Variants in TENM2 observed in about 807,000 individuals in gnomAD.
TENM2 encodes teneurin-2.
In TENM2, 52 loss-of-function variants were observed where a neutral mutation model predicts 245.2. The observed-to-expected ratio is 0.21, with a 90% confidence interval of 0.17 to 0.27. The LOEUF (loss-of-function observed/expected upper bound fraction) is 0.27, where lower values mean the gene tolerates loss of function less well. Among genes scored for constraint, TENM2 ranks in the 10% least tolerant of loss-of-function variants. The probability of loss-of-function intolerance (pLI) is 1.00; values close to 1 mark genes in which losing one functional copy is unlikely to be tolerated. For synonymous variants in TENM2, 1,363 were observed against 1,438.9 expected, an observed-to-expected ratio of 0.95 and a Z score of 1.19; for missense variants, 3,046 against 3,666.8, an observed-to-expected ratio of 0.83 and a Z score of 4.37.
intron 2 of TENM2, among the ~76,000 whole-genome samples, chr5:167,777,085 A>T (rs999931929): frequency 3.3e-5 from 5 of 152,236 alleles, no homozygotes; most frequent in African/African-American, 1.2e-4. Context: ...ACAGGAGTAG[A>T]AGGGGGAGGG....
chr5:167,831,784 C>T (rs1768519552), intron 2 of TENM2, among the ~76,000 whole-genome samples: 1 of 151,722 alleles, frequency 6.6e-6, no homozygotes, highest in African/African-American at 2.4e-5. Flanking sequence ...TGGGAGGAAA[C>T]AACAACAACA....
intron 4 of TENM2, among the ~76,000 whole-genome samples, chr5:167,977,174 G>A (rs1782502613): frequency 6.6e-6 from 1 of 152,120 alleles, no homozygotes; most frequent in Non-Finnish European, 1.5e-5. Flanking sequence ...CTACTTGAGG[G>A]TGGAGGGTGG....
In TENM2 at chr5:167,923,902, A is replaced by G. The variant is rs185319095; in HGVS notation, c.713-28686A>G. 1.3e-3 allele frequency among the ~76,000 whole-genome samples: 202 copies of G among 152,232 alleles called. 1 individual carries two copies. Among genetic ancestry groups the G allele is most frequent in the Non-Finnish European group, 2.3e-3 (154 of 68,006 alleles). ...TCTCAGGGTGCATGTGCGTTGAAAT[A>G]AAGAGATAAGGTGTGACTGTCAAGC... On this transcript the variant is annotated intron_variant, in intron 3 of 28. Transcript: ENST00000518659.
the TENM2 span, among the ~76,000 whole-genome samples, chr5:167,039,650 G>T: frequency 3.4e-4 from 52 of 151,756 alleles, no homozygotes; most frequent in African/African-American, 1.2e-3. Flanking sequence ...GACTTTGATT[G>T]GGTGCTACCA....
the TENM2 span, among the ~76,000 whole-genome samples, chr5:167,157,993 G>A: frequency 2.0e-5 from 3 of 152,184 alleles, no homozygotes; most frequent in African/African-American, 2.4e-5. Flanking sequence ...GTTTTCCTAT[G>A]AGAGCACACA....
the TENM2 span, among the ~76,000 whole-genome samples, chr5:167,181,346 T>G: frequency 6.6e-6 from 1 of 152,134 alleles, no homozygotes; most frequent in Non-Finnish European, 1.5e-5. Flanking sequence ...TCTCACCCTT[T>G]CTTTCTCGCC....
At chr5:167,487,790 A>G (rs901994989) in intron 2 of TENM2, among the ~76,000 whole-genome samples, 2 of 152,310 alleles carry the variant, frequency 1.3e-5, no homozygotes, top group Admixed American at 1.3e-4. Context: ...TTCAGGTGGA[A>G]TACTGCTCCC....
At position 167,532,371 on chromosome 5, in the gene TENM2, G is replaced by C. The variant is rs910769698; in HGVS notation, c.502+156898G>C. 2.0e-5 allele frequency among the ~76,000 whole-genome samples: 3 copies of C among 152,032 alleles called. No homozygotes were observed. The South Asian group carries it at 6.2e-4, about 32-fold the overall frequency. Reference sequence around the variant, plus strand: ...AAGTTGCTAATAAAGACATACCCGAGACTGGGTATTTTATACAGGAAAGAG... The same window carrying C: ...AAGTTGCTAATAAAGACATACCCGACACTGGGTATTTTATACAGGAAAGAG... On this transcript the variant is annotated intron_variant, in intron 2 of 28. Transcript: ENST00000518659.
chr5:167,203,848 CG>C, the TENM2 span, among the ~76,000 whole-genome samples: 3 of 145,948 alleles, frequency 2.1e-5, no homozygotes, highest in Admixed American at 6.8e-5. Flanking sequence ...TCTTGCATAC[CG>C]AAAAAAAAGG....
intron 3 of TENM2, among the ~76,000 whole-genome samples, chr5:167,916,199 G>A (rs1224379564): frequency 1.3e-5 from 2 of 152,140 alleles, no homozygotes; most frequent in African/African-American, 2.4e-5. Flanking sequence ...CACTATTTTT[G>A]TGAGTACGTG....
intron 2 of TENM2, among the ~76,000 whole-genome samples, chr5:167,733,208 A>C (rs1345516003): frequency 6.6e-6 from 1 of 152,088 alleles, no homozygotes; most frequent in East Asian, 1.9e-4. Flanking sequence ...CTAACTCCTC[A>C]TCTCCTTGCC....
At chr5:168,018,581 A>G (rs916174567) in intron 5 of TENM2, among the ~76,000 whole-genome samples, 5 of 152,130 alleles carry the variant, frequency 3.3e-5, no homozygotes, top group African/African-American at 1.2e-4. Context: ...ACTCCTGCCC[A>G]GGAAGTCCCA....
the TENM2 span, among the ~76,000 whole-genome samples, chr5:167,114,559 A>G: frequency 3.3e-5 from 5 of 152,304 alleles, no homozygotes; most frequent in South Asian, 2.1e-4. Flanking sequence ...GGTCTTACCC[A>G]TATGTGTTAG....
intron 1 of TENM2, among the ~76,000 whole-genome samples, chr5:167,327,020 T>C (rs975386430): frequency 5.3e-5 from 8 of 152,194 alleles, no homozygotes; most frequent in Non-Finnish European, 7.3e-5. Context: ...CATTTATTCT[T>C]TTTTAAAAAA....
At chr5:167,077,462 G>A in the TENM2 span, among the ~76,000 whole-genome samples, 15 of 152,236 alleles carry the variant, frequency 9.9e-5, no homozygotes, top group African/African-American at 3.1e-4. Flanking sequence ...GAGGAAAAAC[G>A]TATTTTGTCT....
At chr5:167,023,850 A>G in the TENM2 span, among the ~76,000 whole-genome samples, 1 of 152,172 alleles carries the variant, frequency 6.6e-6, no homozygotes, top group African/African-American at 2.4e-5. Flanking sequence ...TTTCTGCTCT[A>G]CTGTTGGACG....
intron 3 of TENM2, among the ~76,000 whole-genome samples, chr5:167,943,138 C>T (rs1779323327): frequency 6.6e-6 from 1 of 152,142 alleles, no homozygotes; most frequent in Non-Finnish European, 1.5e-5. Context: ...AAGGCATGTA[C>T]CAGGAGAGAT....
chr5:167,967,982 C>T (rs1178101155), intron 4 of TENM2, among the ~76,000 whole-genome samples: 1 of 152,156 alleles, frequency 6.6e-6, no homozygotes, highest in African/African-American at 2.4e-5. Context: ...GATAAGGCAT[C>T]CGCAGTCCTA....
At chr5:167,524,946 G>T (rs1246091342) in intron 2 of TENM2, among the ~76,000 whole-genome samples, 2 of 152,044 alleles carry the variant, frequency 1.3e-5, no homozygotes, top group Non-Finnish European at 1.5e-5. Flanking sequence ...CACATCTGAA[G>T]TGGTGCCCAC....
Sources: gnomAD v4.1 joint callset for allele counts (sites outside exome capture counted in the v4.1 genomes callset) on GRCh38, gnomAD v4.1.1 for gene constraint, MANE v1.5 for transcripts, NCBI Gene and HGNC (gene_info 2026-07-23, HGNC 2026-07-21) for gene names.